STAU1: variants seen among roughly 807,000 people sequenced by gnomAD.
STAU1 encodes double-stranded RNA-binding protein Staufen homolog 1.
STAU1 carries 13 observed loss-of-function variants against 62.9 expected under a neutral mutation model. The ratio of observed to expected loss-of-function variants is 0.21; its 90% CI spans 0.13 to 0.33. The LOEUF (loss-of-function observed/expected upper bound fraction) is 0.33, where lower values mean the gene tolerates loss of function less well. Ranked by LOEUF, STAU1 falls within the 10% of genes least tolerant of loss-of-function variation. The probability of loss-of-function intolerance (pLI) is 1.00; values close to 1 mark genes in which losing one functional copy is unlikely to be tolerated. For synonymous variants in STAU1, 269 were observed against 265.1 expected (o/e 1.01, Z -0.14); for missense variants, 571 against 712.1 (o/e 0.80, Z 2.25).
At chr20:49,182,781 G>C (rs540659414) in intron 1 of STAU1, among the ~76,000 whole-genome samples, 1 of 150,138 alleles carries the variant, frequency 6.7e-6, no homozygotes, top group African/African-American at 2.5e-5. Context: ...GGAGCTTGCA[G>C]TGAGCCGAGA....
chr20:49,163,803 T>C (rs1469186226), intron 3 of STAU1, among the ~76,000 whole-genome samples: 1 of 152,156 alleles, frequency 6.6e-6, no homozygotes. Flanking sequence ...CTCAGTCTGT[T>C]GCCCAGGCTG....
At chr20:49,208,361 A>G in the STAU1 span, among the ~76,000 whole-genome samples, 974 of 151,452 alleles carry the variant, frequency 6.4e-3, 12 homozygotes, top group African/African-American at 0.022. Flanking sequence ...CGTGGCCTAT[A>G]TATATATTTT....
intron 6 of STAU1, among the ~76,000 whole-genome samples, chr20:49,131,272 G>A (rs147415690): frequency 1.3e-5 from 2 of 152,334 alleles, no homozygotes; most frequent in African/African-American, 4.8e-5. Context: ...AATGTAAGGT[G>A]TGAGTCTGCA....
chr20:49,191,558 C>T (rs951678966), upstream of STAU1, among the ~76,000 whole-genome samples: 1 of 152,098 alleles, frequency 6.6e-6, no homozygotes, highest in Non-Finnish European at 1.5e-5. Flanking sequence ...CCTTGCTTAT[C>T]TCTGCGCAAG....
chr20:49,187,369 C>T (rs1387415600), intron 1 of STAU1, among the ~76,000 whole-genome samples: 2 of 152,178 alleles, frequency 1.3e-5, no homozygotes, highest in African/African-American at 4.8e-5. Flanking sequence ...CAGATGTTAA[C>T]AACTGAAAAC....
At chr20:49,136,785 C>A (rs994966317) in intron 5 of STAU1, among the ~76,000 whole-genome samples, 15 of 152,104 alleles carry the variant, frequency 9.9e-5, no homozygotes, top group African/African-American at 3.4e-4. Flanking sequence ...GCTACCTCCA[C>A]CTCCCAGGTT....
At position 49,134,382 on chromosome 20, in the gene STAU1, G is replaced by A. The variant is rs1435638947; in HGVS notation, c.609+1451C>T. Reference sequence around the variant, plus strand: ...GGAGGTGGAGGTTGCAGTGAGCCGAGAACACACCATTGCACTACAGCCTGG... The same window carrying A: ...GGAGGTGGAGGTTGCAGTGAGCCGAAAACACACCATTGCACTACAGCCTGG... On this transcript the variant is annotated intron_variant, in intron 6 of 13. Transcript: ENST00000371856. 12 of 478,376 alleles carry A rather than the reference G, an allele frequency of 2.5e-5. 1 individual carries two copies. Among genetic ancestry groups the A allele is most frequent in the Non-Finnish European group, 4.1e-5 (11 of 265,170 alleles). The allele number at this position is 478,376 out of a possible 1,614,324, so 29.6% of individuals were successfully genotyped here. A position where few individuals can be genotyped will look rare whatever the true frequency, so the allele number is the denominator to read the frequency against.
At chr20:49,129,149 T>A (rs964851168) in intron 6 of STAU1, among the ~76,000 whole-genome samples, 1 of 151,906 alleles carries the variant, frequency 6.6e-6, no homozygotes, top group Admixed American at 6.6e-5. Flanking sequence ...TATAAACCTA[T>A]ATTTCATCAA....
upstream of STAU1, among the ~76,000 whole-genome samples, chr20:49,189,619 C>CAA (rs71186430): frequency 0.048 from 2,583 of 53,828 alleles, 178 homozygotes; most frequent in African/African-American, 0.15. Flanking sequence ...GACTCTGTCT[C>CAA]AAAAAAAAAA....
chr20:49,117,793 C>T lies in STAU1; in HGVS notation c.1493G>A (p.Arg498Lys). The T allele has an allele frequency of 1.9e-6, 3 of 1,612,060 alleles. No individual in the cohort carries two copies. Among genetic ancestry groups the T allele is most frequent in the Non-Finnish European group, 2.5e-6 (3 of 1,178,920 alleles). ...GACAGTTACCTGGAATCCCTGGACT[C>T]TGGAAAGATAGTCCAGTTGCTCAGA... The part of the protein sequence containing the change: ...RPSEQLDYLS[R>K]VQGFQVEYKD... Residue 498 changes from arginine (R) to lysine (K), a missense_variant, in exon 11 of 14, where the codon AGA becomes AAA. By Grantham distance (26) the Arg-to-Lys change is conservative. This residue lies in a region of STAU1 where 156 missense variants were observed against 194.7 expected (regional missense o/e 0.80). Coordinates refer to ENST00000371856, the MANE Select transcript of STAU1 (RefSeq NM_017453.4). The surrounding 1 kb of genome is among the most constrained non-coding windows in gnomAD (Gnocchi z 4.6).
intron 6 of STAU1, among the ~76,000 whole-genome samples, chr20:49,132,595 C>A (rs2092774872): frequency 6.6e-6 from 1 of 152,104 alleles, no homozygotes; most frequent in Non-Finnish European, 1.5e-5. Context: ...CCTGTCTCTA[C>A]TAAAAATACA....
intron 5 of STAU1, among the ~76,000 whole-genome samples, chr20:49,145,470 C>G (rs187637738): frequency 2.1e-4 from 30 of 139,906 alleles, no homozygotes; most frequent in African/African-American, 7.4e-4. Flanking sequence ...TGGTGGCTCA[C>G]GTCTGTAATC....
chr20:49,190,163 C>T (rs2093828908), upstream of STAU1, among the ~76,000 whole-genome samples: 1 of 152,198 alleles, frequency 6.6e-6, no homozygotes, highest in Non-Finnish European at 1.5e-5. Context: ...TCTCCCTAAA[C>T]CCAAAGCTGC....
At chr20:49,132,202 C>T (rs369503752) in intron 6 of STAU1, among the ~76,000 whole-genome samples, 1 of 152,088 alleles carries the variant, frequency 6.6e-6, no homozygotes, top group African/African-American at 2.4e-5. Flanking sequence ...GATTCTGAAA[C>T]ACTTCTTCCC....
intron 6 of STAU1, among the ~76,000 whole-genome samples, chr20:49,127,792 G>A (rs2092664058): frequency 6.6e-6 from 1 of 152,042 alleles, no homozygotes. Context: ...GCGGGTGGAT[G>A]GCTTCAGTCC....
At chr20:49,167,425 C>G (rs2093541169) in intron 2 of STAU1, among the ~76,000 whole-genome samples, 1 of 152,068 alleles carries the variant, frequency 6.6e-6, no homozygotes, top group South Asian at 2.1e-4. Flanking sequence ...CTTGAGGAGT[C>G]CTAACACATT....
chr20:49,214,382 G>T, the STAU1 span, among the ~76,000 whole-genome samples: 1 of 152,126 alleles, frequency 6.6e-6, no homozygotes, highest in Non-Finnish European at 1.5e-5. Flanking sequence ...GCCAGGCATG[G>T]TGGCATGTGC....
intron 1 of STAU1, among the ~76,000 whole-genome samples, chr20:49,178,581 T>C (rs929070479): frequency 6.6e-6 from 1 of 151,604 alleles, no homozygotes; most frequent in East Asian, 1.9e-4. Flanking sequence ...AAACACTGTC[T>C]CTACTAAAAA....
At chr20:49,178,264 T>C (rs1044548659) in intron 1 of STAU1, among the ~76,000 whole-genome samples, 5 of 152,160 alleles carry the variant, frequency 3.3e-5, no homozygotes, top group African/African-American at 9.7e-5. Context: ...GCCATCATGA[T>C]CATTATCAAT....
Sources: allele counts gnomAD v4.1 joint callset (sites outside exome capture counted in the v4.1 genomes callset), GRCh38; gene constraint gnomAD v4.1.1; regional missense constraint gnomAD v4.1.1; non-coding constraint Gnocchi (gnomAD v3.1); transcripts MANE v1.5; gene names NCBI Gene and HGNC (gene_info 2026-07-23, HGNC 2026-07-21).